TMC1: variants seen among roughly 807,000 people sequenced by gnomAD.
The protein encoded by TMC1 is transmembrane channel like 1, also known as transmembrane channel-like protein 1.
In TMC1, 84 loss-of-function variants were observed where a neutral mutation model predicts 105.8. The ratio of observed to expected loss-of-function variants is 0.79; its 90% CI spans 0.67 to 0.95. The LOEUF is 0.95. Among genes scored for constraint, TMC1 ranks in the 40% least tolerant of loss-of-function variants. The probability of loss-of-function intolerance (pLI) is 0.00; values close to 1 mark genes in which losing one functional copy is unlikely to be tolerated. For missense variants in TMC1, 817 were observed against 914.1 expected (o/e 0.89, Z 1.37); for synonymous variants, 315 against 311.5 (o/e 1.01, Z -0.12).
At chr9:72,593,376 T>TTTTTC (rs761523804) in intron 2 of TMC1, among the ~76,000 whole-genome samples, 102 of 152,136 alleles carry the variant, frequency 6.7e-4, no homozygotes, top group African/African-American at 1.4e-3. Flanking sequence ...CCCATTTTCT[T>TTTTTC]TTTTCTTTTC....
At chr9:72,648,529 T>C in intron 4 of TMC1, 68 bp from the exon 5 acceptor site, 1 of 886,350 alleles carries the variant, frequency 1.1e-6, no homozygotes, top group Non-Finnish European at 1.9e-6. Context: ...GGGAGCACTT[T>C]CAGTGGCAGG....
intron 5 of TMC1, among the ~76,000 whole-genome samples, chr9:72,667,171 T>G (rs985665995): frequency 6.6e-6 from 1 of 152,196 alleles, no homozygotes; most frequent in Non-Finnish European, 1.5e-5. Flanking sequence ...GTAGGGGAAC[T>G]AGTGATAACT....
intron 10 of TMC1, 22 bp from the exon 11 acceptor site, chr9:72,751,828 C>A: frequency 6.5e-7 from 1 of 1,527,306 alleles, no homozygotes; most frequent in South Asian, 1.1e-5. Context: ...TCTCTTCAAA[C>A]TTTTTATTTT....
At chr9:72,607,124 A>G (rs1305834168) in intron 2 of TMC1, among the ~76,000 whole-genome samples, 2 of 152,046 alleles carry the variant, frequency 1.3e-5, no homozygotes, top group East Asian at 3.9e-4. Flanking sequence ...AATGCCCAAT[A>G]CATTGTAGAT....
At chr9:72,601,712 G>A (rs1824819057) in intron 2 of TMC1, among the ~76,000 whole-genome samples, 1 of 151,974 alleles carries the variant, frequency 6.6e-6, no homozygotes, top group African/African-American at 2.4e-5. Context: ...GCATGGTGGT[G>A]CATTCCTGTA....
intron 8 of TMC1, among the ~76,000 whole-genome samples, chr9:72,722,998 GA>G: frequency 6.6e-6 from 1 of 152,174 alleles, no homozygotes; most frequent in South Asian, 2.1e-4. Context: ...AACTGATCTG[GA>G]ACAACTGAAA....
intron 8 of TMC1, among the ~76,000 whole-genome samples, chr9:72,729,750 G>A (rs772874650): frequency 1.3e-5 from 2 of 152,162 alleles, no homozygotes; most frequent in Non-Finnish European, 2.9e-5. Flanking sequence ...CTTCTCTAAT[G>A]AAAGAGGGTT....
At chr9:72,625,105 G>T in intron 3 of TMC1, among the ~76,000 whole-genome samples, 1 of 152,162 alleles carries the variant, frequency 6.6e-6, no homozygotes, top group East Asian at 1.9e-4. Context: ...GAATCTAAAT[G>T]GGCCTTTGTG....
chr9:72,814,043 C>A (rs1375070618), intron 18 of TMC1, among the ~76,000 whole-genome samples: 2 of 152,196 alleles, frequency 1.3e-5, no homozygotes, highest in Admixed American at 6.5e-5. Flanking sequence ...TGTCTCATCT[C>A]TAATGACCCT....
intron 12 of TMC1, among the ~76,000 whole-genome samples, chr9:72,758,594 T>G (rs1226226243): frequency 2.6e-5 from 4 of 152,080 alleles, no homozygotes. Context: ...ATGGTAGAGA[T>G]CAGACGCCAC....
intron 5 of TMC1, among the ~76,000 whole-genome samples, chr9:72,677,924 T>C (rs1036435760): frequency 6.6e-6 from 1 of 152,120 alleles, no homozygotes; most frequent in Admixed American, 6.6e-5. Context: ...GTGCATTCAT[T>C]TTTATATATT....
rs967589711 is a variant in TMC1 at position 72,838,296 on chromosome 9, G to T, written c.*2323G>T. The T allele has an allele frequency of 2.6e-5, 4 of 152,112 alleles. No individual in the cohort carries two copies. Among genetic ancestry groups the T allele is most frequent in the African/African-American group, 9.7e-5 (4 of 41,410 alleles). 9.4% of individuals were successfully genotyped at this position (152,112 alleles called of 1,614,324 possible). ...TAAAGCTAGTGTTTATTTCTACTTGGATCATTTTTGCACTGTGTAGTAGTA... is the reference window on the plus strand; with the variant it reads ...TAAAGCTAGTGTTTATTTCTACTTGTATCATTTTTGCACTGTGTAGTAGTA... On this transcript the variant is annotated 3_prime_UTR_variant, in exon 24 of 24. Transcript: ENST00000297784.
chr9:72,592,802 G>A (rs6560298), intron 2 of TMC1, among the ~76,000 whole-genome samples: 63,897 of 152,046 alleles, frequency 0.42, 14,541 homozygotes, highest in African/African-American at 0.6. Flanking sequence ...TAGGGAGATG[G>A]TGGTTGTTAA....
At chr9:72,832,348 C>A (rs1829054700) in intron 23 of TMC1, among the ~76,000 whole-genome samples, 2 of 152,186 alleles carry the variant, frequency 1.3e-5, no homozygotes, top group South Asian at 2.1e-4. Flanking sequence ...ATTGGCTGAC[C>A]TTTATGGCAG....
chr9:72,771,114 G>A (rs1223776549), intron 12 of TMC1, among the ~76,000 whole-genome samples: 1 of 152,144 alleles, frequency 6.6e-6, no homozygotes, highest in Non-Finnish European at 1.5e-5. Context: ...GCAGATACAG[G>A]CCTGTGTGGC....
At chr9:72,792,769 C>G (rs2118195860) in intron 17 of TMC1, among the ~76,000 whole-genome samples, 1 of 152,276 alleles carries the variant, frequency 6.6e-6, no homozygotes, top group Non-Finnish European at 1.5e-5. Flanking sequence ...GTGGCCAAGA[C>G]AGCCAACTAG....
intron 1 of TMC1, among the ~76,000 whole-genome samples, chr9:72,542,112 C>G (rs1310150581): frequency 6.6e-6 from 1 of 151,958 alleles, no homozygotes; most frequent in African/African-American, 2.4e-5. Flanking sequence ...TCACTTGAGG[C>G]CAGAAGTTTG....
chr9:72,666,258 T>C (rs1479018950), intron 5 of TMC1, among the ~76,000 whole-genome samples: 1 of 138,676 alleles, frequency 7.2e-6, no homozygotes, highest in Admixed American at 7.2e-5. Flanking sequence ...CTGTCTCTAT[T>C]AAAAAAAAAA....
At chr9:72,580,192 T>C (rs2132098146) in intron 2 of TMC1, among the ~76,000 whole-genome samples, 1 of 152,352 alleles carries the variant, frequency 6.6e-6, no homozygotes, top group African/African-American at 2.4e-5. Flanking sequence ...GGAATATGCA[T>C]TTTATGAAGG....
Sources: gnomAD v4.1 joint callset for allele counts (sites outside exome capture counted in the v4.1 genomes callset) on GRCh38, gnomAD v4.1.1 for gene constraint, MANE v1.5 for transcripts, NCBI Gene and HGNC (gene_info 2026-07-23, HGNC 2026-07-21) for gene names.